PIKFYVE: variants seen among roughly 807,000 people sequenced by gnomAD.
The protein encoded by PIKFYVE is phosphoinositide kinase, FYVE-type zinc finger containing, also known as 1-phosphatidylinositol 3-phosphate 5-kinase.
In PIKFYVE, 122 loss-of-function variants were observed where a neutral mutation model predicts 257.9. That is an observed-to-expected ratio of 0.47 (90% CI 0.41 to 0.55). PIKFYVE has a LOEUF of 0.55. Ranked by LOEUF, PIKFYVE falls within the 20% of genes least tolerant of loss-of-function variation. The pLI is 0.00. For missense variants in PIKFYVE, 2,160 were observed against 2,536.6 expected, an observed-to-expected ratio of 0.85 and a Z score of 3.19; for synonymous variants, 892 against 868.9, an observed-to-expected ratio of 1.03 and a Z score of -0.47.
intron 38 of PIKFYVE, among the ~76,000 whole-genome samples, 171 bp downstream of exon 38, chr2:208,351,626 C>G (rs112062350): frequency 6.6e-6 from 1 of 152,026 alleles, no homozygotes; most frequent in Admixed American, 6.6e-5. Context: ...GTATACAAAG[C>G]ATAGTGCTGG....
Position 208,325,831 on chromosome 2 carries a change from A to T in PIKFYVE, c.3020A>T (p.Asp1007Val). The change falls in exon 20 of 42, where the codon GAT becomes GTT. Residue 1007 changes from aspartate to valine, a missense_variant. Around this residue, in one of 12 missense-constraint regions of PIKFYVE, gnomAD observed 522 missense variants for 514.6 expected, o/e 1.01. Coordinates refer to ENST00000264380, the MANE Select transcript of PIKFYVE (RefSeq NM_015040.4). ...ETLQQTVVLQ[D>V]PKSQIRAFRD... ...TTGCAGCAAACAGTTGTGCTGCAGG[A>T]TCCCAAAAGCCAGATAAGAGCCTTT... 1 of 1,614,058 alleles carries T rather than the reference A, an allele frequency of 6.2e-7. No homozygotes were observed.
At chr2:208,335,055 A>G (rs374115006) in intron 24 of PIKFYVE, among the ~76,000 whole-genome samples, 1 of 152,220 alleles carries the variant, frequency 6.6e-6, no homozygotes, top group Non-Finnish European at 1.5e-5. Context: ...GTTTTACAGC[A>G]GGTAAGGATA....
intron 17 of PIKFYVE, among the ~76,000 whole-genome samples, chr2:208,323,356 T>C (rs576275537): frequency 2.4e-4 from 35 of 143,960 alleles, no homozygotes; most frequent in South Asian, 1.4e-3. Flanking sequence ...TGAGAACATG[T>C]GGTGTTTGGT....
chr2:208,289,583 C>G (rs929840200), intron 7 of PIKFYVE, among the ~76,000 whole-genome samples: 1 of 152,148 alleles, frequency 6.6e-6, no homozygotes, highest in Non-Finnish European at 1.5e-5. Flanking sequence ...GCGCCCATCA[C>G]CATGCCCAGC....
At chr2:208,267,792 CCACCGGGCGGGGGT>C (rs1378802431) in intron 1 of PIKFYVE, among the ~76,000 whole-genome samples, 22 of 152,114 alleles carry the variant, frequency 1.4e-4, no homozygotes, top group African/African-American at 5.1e-4. Context: ...CAGGCGTGAG[CCACCGGGCGGGGGT>C]CTCCCTCCCT....
intron 12 of PIKFYVE, among the ~76,000 whole-genome samples, chr2:208,310,438 T>TA (rs1458259237): frequency 6.6e-6 from 1 of 152,190 alleles, no homozygotes; most frequent in Admixed American, 6.5e-5. Context: ...CAGAAGCTCG[T>TA]AAAACTGGCT....
rs760840182 is a variant in PIKFYVE at position 208,354,176 on chromosome 2, C to A, written c.6106+17C>A. Reference sequence around the variant, plus strand: ...GAATTATAGGTAAGTCAATGAGTACCCTGCTTATATTTCATGATTGAAGTC... The same window carrying A: ...GAATTATAGGTAAGTCAATGAGTACACTGCTTATATTTCATGATTGAAGTC... On this transcript the variant is annotated intron_variant, in intron 40 of 41. Coordinates refer to ENST00000264380, the MANE Select transcript of PIKFYVE (RefSeq NM_015040.4). 13 of 1,609,862 alleles carry A rather than the reference C, an allele frequency of 8.1e-6. No individual in the cohort carries two copies. In the African/African-American group the frequency reaches 1.5e-4, roughly 18 times the overall value.
chr2:208,335,319 C>G lies in PIKFYVE; in HGVS notation c.4156C>G (p.Arg1386Gly). The change falls in exon 25 of 42, where the codon CGG (arginine) becomes GGG (glycine). Residue 1386 changes from arginine to glycine, a missense_variant. By Grantham distance (125) the Arg-to-Gly change is moderately radical (BLOSUM62 -2). Around this residue, in one of 12 missense-constraint regions of PIKFYVE, gnomAD observed 699 missense variants for 855.8 expected, o/e 0.82. Coordinates refer to ENST00000264380, the MANE Select transcript of PIKFYVE (RefSeq NM_015040.4). ...MVASFSYSPI[R>G]LLEVCVPLPK... ...TTTTCTTCTCAGTTATTCTCCCATTCGGCTTCTTGAAGTATGTGTTCCACT... is the reference window on the plus strand; with the variant it reads ...TTTTCTTCTCAGTTATTCTCCCATTGGGCTTCTTGAAGTATGTGTTCCACT... The G allele has an allele frequency of 2.5e-6, 4 of 1,603,676 alleles. No individual in the cohort carries two copies. The highest frequency in any genetic ancestry group is 3.4e-6 in the Non-Finnish European group (4 of 1,170,666).
chr2:208,337,408 A>G (rs1013895176), intron 28 of PIKFYVE, among the ~76,000 whole-genome samples: 3 of 152,098 alleles, frequency 2.0e-5, no homozygotes, highest in Non-Finnish European at 2.9e-5. Context: ...CCAAAACCAC[A>G]AATTTATAGA....
At chr2:208,307,596 G>A (rs1694481469) in intron 12 of PIKFYVE, among the ~76,000 whole-genome samples, 1 of 151,256 alleles carries the variant, frequency 6.6e-6, no homozygotes, top group South Asian at 2.1e-4. Flanking sequence ...TTTAAAGATG[G>A]GTTCTTGATT....
intron 1 of PIKFYVE, among the ~76,000 whole-genome samples, chr2:208,269,107 G>T (rs538234807): frequency 6.6e-6 from 1 of 152,270 alleles, no homozygotes; most frequent in Admixed American, 6.5e-5. Flanking sequence ...TTCCAGGATT[G>T]TAAGAGTAAA....
chr2:208,324,095 G>T, intron 17 of PIKFYVE, 47 bp from the exon 18 acceptor site: 1 of 1,593,502 alleles, frequency 6.3e-7, no homozygotes, highest in Non-Finnish European at 8.6e-7. Context: ...AATATGTCCA[G>T]ATACTGCATT....
intron 7 of PIKFYVE, among the ~76,000 whole-genome samples, chr2:208,293,598 C>T (rs986471557): frequency 3.3e-5 from 5 of 151,498 alleles, no homozygotes; most frequent in Non-Finnish European, 5.9e-5. Flanking sequence ...TTAAATATTT[C>T]ATTTCATTCT....
intron 7 of PIKFYVE, among the ~76,000 whole-genome samples, chr2:208,292,573 G>T (rs1287027725): frequency 6.6e-6 from 1 of 151,918 alleles, no homozygotes; most frequent in Admixed American, 6.6e-5. Flanking sequence ...TGATTGCTCT[G>T]AAGTCTGTTC....
intron 39 of PIKFYVE, among the ~76,000 whole-genome samples, chr2:208,353,402 G>C (rs997839865): frequency 1.3e-5 from 2 of 152,188 alleles, no homozygotes; most frequent in Non-Finnish European, 1.5e-5. Context: ...TACTGGTCCT[G>C]GTACTCAAGT....
At chr2:208,317,429 G>A (rs1012581395) in intron 15 of PIKFYVE, among the ~76,000 whole-genome samples, 4 of 21,700 alleles carry the variant, frequency 1.8e-4, no homozygotes, top group South Asian at 3.2e-3. Flanking sequence ...ACCACAATGC[G>A]ATTTTTTTTT....
At chr2:208,331,932 G>C (rs1697585967) in intron 23 of PIKFYVE, among the ~76,000 whole-genome samples, 1 of 152,122 alleles carries the variant, frequency 6.6e-6, no homozygotes, top group Non-Finnish European at 1.5e-5. Flanking sequence ...GACTGACCAT[G>C]GTACTAAATG....
chr2:208,294,810 A>G (rs1039568833), intron 7 of PIKFYVE, among the ~76,000 whole-genome samples: 1 of 152,166 alleles, frequency 6.6e-6, no homozygotes, highest in African/African-American at 2.4e-5. Context: ...GTTTCTCCTC[A>G]GGGCAGGACT....
intron 38 of PIKFYVE, 115 bp downstream of exon 38, chr2:208,351,570 T>C: frequency 2.2e-6 from 2 of 923,628 alleles, no homozygotes; most frequent in Non-Finnish European, 3.5e-6. Context: ...GGCTGGGTAA[T>C]TTGTAAAGAA....
Sources: allele counts gnomAD v4.1 joint callset (sites outside exome capture counted in the v4.1 genomes callset), GRCh38; gene constraint gnomAD v4.1.1; regional missense constraint gnomAD v4.1.1; transcripts MANE v1.5; gene names NCBI Gene and HGNC (gene_info 2026-07-23, HGNC 2026-07-21).